Variants in PKD1L3 observed in about 807,000 individuals in gnomAD.
PKD1L3 encodes the protein polycystin-1-like protein 3.
PKD1L3 carries 239 observed loss-of-function variants against 184.1 expected under a neutral mutation model. That is an observed-to-expected ratio of 1.30 (90% confidence interval 1.17 to 1.45). The LOEUF is 1.45. Ranked by LOEUF, PKD1L3 falls within the 40% of genes most tolerant of loss-of-function variation. The pLI is 0.00. For synonymous variants in PKD1L3, 996 were observed against 778.8 expected (o/e 1.28, Z -4.64); for missense variants, 2,660 against 2,067.2 (o/e 1.29, Z -5.56).
At chr16:71,996,137 G>T (rs7197866) in intron 2 of PKD1L3, among the ~76,000 whole-genome samples, 1 of 151,382 alleles carries the variant, frequency 6.6e-6, no homozygotes, top group African/African-American at 2.4e-5. Flanking sequence ...CCTTTATCCA[G>T]TTTCCAAGGG....
intron 11 of PKD1L3, among the ~76,000 whole-genome samples, chr16:71,974,498 T>C (rs999013848): frequency 3.3e-5 from 5 of 152,016 alleles, no homozygotes; most frequent in African/African-American, 4.8e-5. Flanking sequence ...TTGGCGAACA[T>C]GGCAAAACCC....
intron 16 of PKD1L3, among the ~76,000 whole-genome samples, chr16:71,956,393 C>T (rs2039050712): frequency 6.6e-6 from 1 of 151,696 alleles, no homozygotes; most frequent in African/African-American, 2.4e-5. Context: ...GGAGTTTCAC[C>T]ATGTTGGCCA....
intron 11 of PKD1L3, among the ~76,000 whole-genome samples, chr16:71,975,222 AT>A (rs11311844): frequency 0.61 from 85,352 of 139,752 alleles, 25,654 homozygotes; most frequent in South Asian, 0.81. Flanking sequence ...CGCTCGGCTA[AT>A]TTTTTTTTTT....
At chr16:71,964,879 C>G (rs1166155903) in intron 15 of PKD1L3, among the ~76,000 whole-genome samples, 1 of 145,788 alleles carries the variant, frequency 6.9e-6, no homozygotes, top group Non-Finnish European at 1.5e-5. Flanking sequence ...CAGGATCTTG[C>G]TCTGTTGCCC....
intron 19 of PKD1L3, 83 bp from the exon 20 acceptor site, chr16:71,950,393 T>C: frequency 3.2e-6 from 4 of 1,234,280 alleles, no homozygotes; most frequent in Non-Finnish European, 3.4e-6. Context: ...AATTCATTGA[T>C]GGATGATGAG....
At chr16:71,948,766 T>C (rs1190144425) in intron 21 of PKD1L3, among the ~76,000 whole-genome samples, 1 of 135,214 alleles carries the variant, frequency 7.4e-6, no homozygotes, top group Non-Finnish European at 1.5e-5. Flanking sequence ...AATTACAGGT[T>C]TTGCTTTAAA....
At chr16:71,933,381 T>C in intron 28 of PKD1L3, 39 bp downstream of exon 28, 2 of 1,437,786 alleles carry the variant, frequency 1.4e-6, no homozygotes, top group South Asian at 2.4e-5. Flanking sequence ...CCTTGTTCAA[T>C]ATATTGAATT....
At position 71,930,041 on chromosome 16, in the gene PKD1L3, T is replaced by C. The variant is rs891640568; in HGVS notation, c.5058+11A>G. The C allele has an allele frequency of 1.9e-6, 3 of 1,545,096 alleles. No homozygotes were observed. The East Asian group carries it at 7.3e-5, about 38-fold the overall frequency. ...TATAACAGCATGCTAGTTTATCTTT[T>C]AGTTACCTACCTTAAGCGACTTTCT... On this transcript the variant is annotated intron_variant, in intron 29 of 29. Transcript: ENST00000620267.
chr16:71,987,442 C>T (rs1479957992), intron 4 of PKD1L3, among the ~76,000 whole-genome samples: 1 of 152,036 alleles, frequency 6.6e-6, no homozygotes, highest in East Asian at 1.9e-4. Flanking sequence ...GGCGCCACCT[C>T]AGCTCACTGC....
intron 12 of PKD1L3, among the ~76,000 whole-genome samples, chr16:71,972,723 T>G (rs530220056): frequency 1.3e-5 from 2 of 152,282 alleles, no homozygotes; most frequent in East Asian, 3.9e-4. Flanking sequence ...CTTTCCAATC[T>G]AGATGGCACT....
intron 26 of PKD1L3, 66 bp from the exon 27 acceptor site, chr16:71,934,191 G>T (rs761955560): frequency 9.1e-6 from 13 of 1,431,690 alleles, no homozygotes; most frequent in East Asian, 2.5e-5. Flanking sequence ...TTTCCCCAGC[G>T]CCCCTGCTGC....
At chr16:71,959,326 C>T (rs1269465511) in intron 16 of PKD1L3, among the ~76,000 whole-genome samples, 1 of 152,032 alleles carries the variant, frequency 6.6e-6, no homozygotes, top group East Asian at 1.9e-4. Flanking sequence ...AGGAGAATCA[C>T]TTGAACCTGG....
In PKD1L3 at chr16:71,967,786, G is replaced by C. The variant is rs2039557245; in HGVS notation, c.2286+120C>G. 4.7e-6 allele frequency: 4 copies of C among 859,670 alleles called. No homozygotes were observed. The South Asian group carries it at 6.8e-5, about 15-fold the overall frequency. 53.3% of individuals were successfully genotyped at this position (859,670 alleles called of 1,614,324 possible). Reference sequence around the variant, plus strand: ...GGCCCACATGTACAGTTTAGAACTAGAAAATACCAATCTCTAGTCTCTTTT... The same window carrying C: ...GGCCCACATGTACAGTTTAGAACTACAAAATACCAATCTCTAGTCTCTTTT... On this transcript the variant is annotated intron_variant, in intron 14 of 29. Coordinates refer to ENST00000620267, the MANE Select transcript of PKD1L3 (RefSeq NM_181536.2).
At chr16:71,967,031 T>C (rs2039524640) in intron 15 of PKD1L3, 106 bp downstream of exon 15, 2 of 1,237,558 alleles carry the variant, frequency 1.6e-6, no homozygotes, top group South Asian at 1.7e-5. Context: ...TAGTCATTTG[T>C]TACTATTTGG....
chr16:71,967,995 C>T lies in PKD1L3; in HGVS notation c.2197G>A (p.Val733Ile), dbSNP rs143395486. 1.9e-6 allele frequency: 3 copies of T among 1,551,272 alleles called. No individual in the cohort carries two copies. In the East Asian group the frequency reaches 7.3e-5, roughly 38 times the overall value. ...GCGCTGGGGTCATTATCAGCCAGGA[C>T]AGTGACCTTCACCTGCAAGAAAAGC... ...QADMQKVKVT[V>I]LADNDPSAQF... The change falls in exon 14 of 30, where the codon GTC (valine) becomes ATC (isoleucine). Residue 733 changes from valine to isoleucine, a missense_variant. Transcript: ENST00000620267.
At position 71,969,995 on chromosome 16, in the gene PKD1L3, G is replaced by A. The variant is rs79670253; in HGVS notation, c.2064C>T (p.Ile688=). The A allele has an allele frequency of 6.4e-7, 1 of 1,551,638 alleles. No homozygotes were observed. Among genetic ancestry groups the A allele is most frequent in the African/African-American group, 1.4e-5 (1 of 73,034 alleles). ...VPRTVNVEDT[I]KLFLRVTNNP... is the part of the protein sequence containing the mutation. ...TGTTGGTCACGCGAAGGAACAGTTT[G>A]ATCGTGTCTTCAACATTCACGGTCC... Residue 688 remains isoleucine (I), a synonymous_variant, in exon 13 of 30, where the codon ATC becomes ATT. Coordinates refer to ENST00000620267, the MANE Select transcript of PKD1L3 (RefSeq NM_181536.2).
chr16:71,995,157 G>A (rs7191463), intron 2 of PKD1L3, among the ~76,000 whole-genome samples: 47,233 of 152,010 alleles, frequency 0.31, 10,655 homozygotes, highest in African/African-American at 0.64. Context: ...TGGAGTTGGG[G>A]GAAGGCTGCA....
Position 71,977,463 on chromosome 16 carries a change from AT to A in PKD1L3, c.1531del (p.Met511CysfsTer17), listed in dbSNP as rs2039973912. On this transcript the variant is annotated frameshift_variant, in exon 11 of 30. Transcript: ENST00000620267. LOFTEE classifies it high-confidence loss of function. ...TTCCAAGCTAACATTTCTCCAGAGC[AT>A]GATCTAGAATAAGAGACAGTTAATC... ...VHDLMEDIEI[M>X]LWRNVSLETH... The A allele has an allele frequency of 3.9e-6, 6 of 1,542,182 alleles. No homozygotes were observed. In the Admixed American group the frequency reaches 1.2e-4, roughly 30 times the overall value.
intron 27 of PKD1L3, 90 bp downstream of exon 27, chr16:71,933,825 G>A: frequency 5.7e-6 from 8 of 1,405,702 alleles, no homozygotes; most frequent in Non-Finnish European, 7.8e-6. Flanking sequence ...ACCACCTCGG[G>A]TTTCTGTGTT....
Sources: gnomAD v4.1 joint callset for allele counts (sites outside exome capture counted in the v4.1 genomes callset) on GRCh38, gnomAD v4.1.1 for gene constraint, MANE v1.5 for transcripts, NCBI Gene and HGNC (gene_info 2026-07-23, HGNC 2026-07-21) for gene names.